JAK1: variants seen among roughly 807,000 people sequenced by gnomAD.
JAK1 encodes Janus kinase 1.
Under a neutral mutation model 136.6 loss-of-function variants are expected in JAK1, and 16 were observed. The observed-to-expected ratio is 0.12, with a 90% CI of 0.08 to 0.18. The LOEUF (loss-of-function observed/expected upper bound fraction) is 0.18. JAK1 is among the 10% of genes least tolerant of loss of function. The probability of loss-of-function intolerance (pLI) is 1.00; values close to 1 mark genes in which losing one functional copy is unlikely to be tolerated. For missense variants in JAK1, 859 were observed against 1,450.1 expected (o/e 0.59, Z 6.62); for synonymous variants, 492 against 519.5 (o/e 0.95, Z 0.72).
At chr1:65,056,327 G>C (rs1257735247) in intron 1 of JAK1, among the ~76,000 whole-genome samples, 1 of 152,218 alleles carries the variant, frequency 6.6e-6, no homozygotes, top group Non-Finnish European at 1.5e-5. Flanking sequence ...AAAAATAACA[G>C]TTCTGGGCCA....
At chr1:64,985,094 TA>T in intron 2 of JAK1, 1 of 965,286 alleles carries the variant, frequency 1.0e-6, no homozygotes, top group Non-Finnish European at 1.7e-6. Flanking sequence ...CTATCATATG[TA>T]GAGTCCTTCT....
At position 64,838,182 on chromosome 1, in the gene JAK1, A is replaced by G. The variant is rs111609607; in HGVS notation, c.2968-78T>C. The G allele has an allele frequency of 1.3e-4, 179 of 1,384,044 alleles. No individual in the cohort carries two copies. The African/African-American group carries it at 1.4e-3, about 11-fold the overall frequency. The allele number at this position is 1,384,044 out of a possible 1,614,324, so 85.7% of individuals were successfully genotyped here. A position where few individuals can be genotyped will look rare whatever the true frequency, so the allele number is the denominator to read the frequency against. ...ATTATCTATCACTTCATCAGAAAAA[A>G]TAGAAATGTCATTTCATTCACATAT... is the stretch of plus-strand genomic sequence containing the variant. On this transcript the variant is annotated intron_variant, in intron 21 of 24. Transcript: ENST00000342505.
intron 1 of JAK1, among the ~76,000 whole-genome samples, chr1:64,907,467 G>T (rs1645209069): frequency 1.3e-5 from 2 of 152,128 alleles, no homozygotes; most frequent in South Asian, 4.1e-4. Context: ...CTGAGCCCAG[G>T]TTCAATAAGA....
rs71647469 is a variant in JAK1 at position 64,900,826 on chromosome 1, C to T, written c.-77-14485G>A. Reference sequence around the variant, plus strand: ...TACTTGTAATCAACTTCTCATGGCTCATCCCCATTTGTGCCCTGAACTCCA... The same window carrying T: ...TACTTGTAATCAACTTCTCATGGCTTATCCCCATTTGTGCCCTGAACTCCA... On this transcript the variant is annotated intron_variant, in intron 1 of 24. Transcript: ENST00000342505. 7.5e-3 allele frequency among the ~76,000 whole-genome samples: 1,136 copies of T among 152,290 alleles called. 8 individuals carry two copies. The highest frequency in any genetic ancestry group is 0.012 in the Non-Finnish European group (821 of 68,020).
chr1:65,022,787 T>A (rs764152496), intron 2 of JAK1, among the ~76,000 whole-genome samples: 1 of 152,120 alleles, frequency 6.6e-6, no homozygotes, highest in Non-Finnish European at 1.5e-5. Context: ...TTGGGAAAAA[T>A]TAATATAGCA....
chr1:65,059,129 C>T (rs550015647), intron 1 of JAK1, among the ~76,000 whole-genome samples: 1 of 138,382 alleles, frequency 7.2e-6, no homozygotes, highest in East Asian at 2.1e-4. Context: ...ATATTATTAC[C>T]CCATTTTATA....
chr1:65,056,452 T>C lies in JAK1; in HGVS notation c.-181+11152A>G, dbSNP rs142238692. On this transcript the variant is annotated intron_variant, in intron 1 of 25. Coordinates refer to the JAK1 transcript ENST00000671954. ...AGCAAAGGAACACAGTGACCATCAA[T>C]GTCTGAGGACTGGCACAATGAAGGA... is the stretch of plus-strand genomic sequence containing the variant. 5.5e-3 allele frequency among the ~76,000 whole-genome samples: 838 copies of C among 152,340 alleles called. 10 individuals are homozygous for C. The highest frequency in any genetic ancestry group is 0.018 in the African/African-American group (758 of 41,578).
chr1:65,003,008 C>T (rs917297817), intron 2 of JAK1, among the ~76,000 whole-genome samples: 6 of 144,162 alleles, frequency 4.2e-5, no homozygotes, highest in African/African-American at 1.5e-4. Context: ...CGTGAGACAA[C>T]CTAGCTTTTT....
At chr1:65,038,200 T>TTC (rs1331414774) in intron 2 of JAK1, among the ~76,000 whole-genome samples, 13 of 139,762 alleles carry the variant, frequency 9.3e-5, no homozygotes, top group African/African-American at 3.5e-4. Flanking sequence ...TTTCTTTTCT[T>TTC]TTTTTTTTTT....
At chr1:64,860,340 C>T (rs1656211874) in intron 8 of JAK1, 78 bp from the exon 9 acceptor site, 1 of 1,229,540 alleles carries the variant, frequency 8.1e-7, no homozygotes, top group Non-Finnish European at 1.1e-6. Flanking sequence ...GGGAGGTGCA[C>T]AGTGAGAAGA....
intron 3 of JAK1, 93 bp downstream of exon 3, chr1:64,883,184 T>G (rs1644801422): frequency 5.7e-6 from 6 of 1,050,944 alleles, no homozygotes; most frequent in African/African-American, 4.9e-5. Context: ...CAACTCTTTC[T>G]GCCCAGCAGC....
intron 2 of JAK1, among the ~76,000 whole-genome samples, chr1:65,010,571 C>A (rs1211080030): frequency 6.6e-6 from 1 of 152,186 alleles, no homozygotes; most frequent in East Asian, 1.9e-4. Flanking sequence ...TAAGCTCCTA[C>A]CAAATGTATA....
chr1:64,838,769 A>G (rs1031824491), intron 20 of JAK1, among the ~76,000 whole-genome samples, 180 bp from the exon 21 acceptor site: 1 of 152,172 alleles, frequency 6.6e-6, no homozygotes, highest in Non-Finnish European at 1.5e-5. Context: ...GATGGTAACA[A>G]TGGTGTACCT....
chr1:65,020,225 CAAAAAAAA>C (rs375362876), intron 2 of JAK1, among the ~76,000 whole-genome samples: 46 of 50,790 alleles, frequency 9.1e-4, no homozygotes, highest in African/African-American at 2.8e-3. Context: ...AACTCCGTCT[CAAAAAAAA>C]AAAAAAAAAA....
In JAK1 at chr1:65,039,559, C is replaced by A. The variant is rs117977200; in HGVS notation, c.-78+4921G>T. Among the ~76,000 whole-genome samples, 5 of 152,228 alleles carry A rather than the reference C, an allele frequency of 3.3e-5. No individual in the cohort carries two copies. In the East Asian group the frequency reaches 9.6e-4, roughly 29 times the overall value. Reference sequence around the variant, plus strand: ...AATAGGTGGCAGAAAGAAACTCAAACCCAGGTTTGACTGACTCTTTTACAC... The same window carrying A: ...AATAGGTGGCAGAAAGAAACTCAAAACCAGGTTTGACTGACTCTTTTACAC... On this transcript the variant is annotated intron_variant, in intron 2 of 25. Coordinates refer to the JAK1 transcript ENST00000671954.
chr1:64,901,443 C>T lies in JAK1; in HGVS notation c.-77-15102G>A, dbSNP rs1253655431. On this transcript the variant is annotated intron_variant, in intron 1 of 24. Transcript: ENST00000342505. ...CTTCTTTCTAATGGAACACCATGCCCTGAGATTTCCCAGTGTGCTGAGAGT... is the reference window on the plus strand; with the variant it reads ...CTTCTTTCTAATGGAACACCATGCCTTGAGATTTCCCAGTGTGCTGAGAGT... 2.6e-5 allele frequency among the ~76,000 whole-genome samples: 4 copies of T among 152,260 alleles called. No homozygotes were observed. In the East Asian group the frequency reaches 7.7e-4, roughly 29 times the overall value.
At chr1:65,019,453 A>G in intron 2 of JAK1, among the ~76,000 whole-genome samples, 2 of 130,516 alleles carry the variant, frequency 1.5e-5, no homozygotes, top group African/African-American at 2.7e-5. Flanking sequence ...AACCCATATG[A>G]CCCCCCCCCC....
chr1:64,849,584 C>G (rs772597062), intron 12 of JAK1, among the ~76,000 whole-genome samples: 2 of 152,244 alleles, frequency 1.3e-5, no homozygotes, highest in Non-Finnish European at 2.9e-5. Flanking sequence ...TCCTGCTGTA[C>G]TTCCCTACTT....
At chr1:64,955,992 T>C in intron 1 of JAK1, among the ~76,000 whole-genome samples, 1 of 152,130 alleles carries the variant, frequency 6.6e-6, no homozygotes, top group East Asian at 1.9e-4. Flanking sequence ...TTTTAAATGG[T>C]TGGAAAAAAA....
Sources: gnomAD v4.1 joint callset for allele counts (sites outside exome capture counted in the v4.1 genomes callset) on GRCh38, gnomAD v4.1.1 for gene constraint, MANE v1.5 for transcripts, NCBI Gene and HGNC (gene_info 2026-07-23, HGNC 2026-07-21) for gene names.